BCL9L: variants seen among roughly 807,000 people sequenced by gnomAD.
BCL9L encodes BCL9 like.
In BCL9L, 19 loss-of-function variants were observed where a neutral mutation model predicts 99.4. The observed-to-expected ratio is 0.19, with a 90% CI of 0.13 to 0.28. The LOEUF is 0.28. Among genes scored for constraint, BCL9L ranks in the 10% least tolerant of loss-of-function variants. BCL9L has a pLI of 1.00. For missense variants in BCL9L, 2,023 were observed against 2,101.6 expected, an observed-to-expected ratio of 0.96 and a Z score of 0.73; for synonymous variants, 900 against 854.8, an observed-to-expected ratio of 1.05 and a Z score of -0.92.
At chr11:118,906,418 AG>A (rs1315607599) in intron 5 of BCL9L, among the ~76,000 whole-genome samples, 4 of 152,126 alleles carry the variant, frequency 2.6e-5, no homozygotes, top group African/African-American at 9.7e-5. Context: ...CTAGCTGTAG[AG>A]GTTTGGTATT....
At chr11:118,910,220 T>A (rs1940720541) in intron 2 of BCL9L, 1 of 479,170 alleles carries the variant, frequency 2.1e-6, no homozygotes, top group Non-Finnish European at 3.8e-6. Flanking sequence ...CTCAGGGGGC[T>A]TGCAGTCTCC....
chr11:118,912,768 A>C (rs765115377), intron 2 of BCL9L, among the ~76,000 whole-genome samples: 1 of 152,056 alleles, frequency 6.6e-6, no homozygotes, highest in Non-Finnish European at 1.5e-5. Context: ...AAACCACCCC[A>C]AAGAGGCAGT....
intron 1 of BCL9L, among the ~76,000 whole-genome samples, 162 bp from the exon 2 acceptor site, chr11:118,919,041 C>T (rs1410501751): frequency 7.5e-6 from 1 of 133,486 alleles, no homozygotes; most frequent in African/African-American, 2.8e-5. Flanking sequence ...ATTGCCACCC[C>T]CCACCCCCAC....
rs763468079 is a variant in BCL9L, at chr11:118,901,288, G to A, written c.2455C>T (p.Arg819Trp). Residue 819 changes from arginine (R) to tryptophan (W), a missense_variant, in exon 8 of 10, where the codon CGG becomes TGG. Coordinates refer to ENST00000683865, the MANE Select transcript of BCL9L (RefSeq NM_001378213.1). This position sits in a 1 kb window ranked among gnomAD's most constrained non-coding sequence, Gnocchi z 6.6. ...PQGLSPEEMA[R>W]VRAQNSSGVM... ...CCACTGCTGTTCTGGGCCCGAACCC[G>A]GGCCATCTCCTCAGGACTGAGGCCC... 8.1e-6 allele frequency: 13 copies of A among 1,613,946 alleles called. No individual in the cohort carries two copies. Among genetic ancestry groups the A allele is most frequent in the South Asian group, 2.2e-5 (2 of 91,072 alleles).
chr11:118,899,313 G>T lies in BCL9L; in HGVS notation c.3602C>A (p.Ser1201Tyr). 6.5e-7 allele frequency: 1 copy of T among 1,548,368 alleles called. No homozygotes were observed. Among genetic ancestry groups the T allele is most frequent in the South Asian group, 1.2e-5 (1 of 81,222 alleles). Residue 1201 changes from serine (S) to tyrosine (Y), a missense_variant, in exon 10 of 10, where the codon TCC becomes TAC. Physicochemically the swap from Ser to Tyr is moderately radical, Grantham distance 144. Around this residue, in one of 3 missense-constraint regions of BCL9L, gnomAD observed 902 missense variants for 888.2 expected, o/e 1.02. Coordinates refer to ENST00000683865, the MANE Select transcript of BCL9L (RefSeq NM_001378213.1). ...AQGTGGPPQN[S>Y]MMMAPGGPDS... is the part of the protein sequence containing the mutation. Reference sequence around the variant, plus strand: ...GGGGCCCCCTGGGGCCATCATCATGGAGTTTTGAGGGGGCCCCCCTGTCCC... The same window carrying T: ...GGGGCCCCCTGGGGCCATCATCATGTAGTTTTGAGGGGGCCCCCCTGTCCC...
Position 118,898,593 on chromosome 11 carries a change from A to G in BCL9L, c.4322T>C (p.Val1441Ala). Residue 1441 changes from valine (V) to alanine (A), a missense_variant, in exon 10 of 10, where the codon GTG becomes GCG. Coordinates refer to ENST00000683865, the MANE Select transcript of BCL9L (RefSeq NM_001378213.1). ...QNFMLMKQRG[V>A]GGEVYSQPPH... ...CGGCTGGCTGTAGACCTCGCCCCCC[A>G]CGCCCCGCTGCTTCATCAGCATGAA... 1 of 1,611,756 alleles carries G rather than the reference A, an allele frequency of 6.2e-7. No individual in the cohort carries two copies. The highest frequency in any genetic ancestry group is 8.5e-7 in the Non-Finnish European group (1 of 1,179,500).
chr11:118,897,926 G>A lies in BCL9L; in HGVS notation c.*489C>T, dbSNP rs765436253. ...AGCCACATCAGCAGGGAAAGGATAC[G>A]AAGCAGGTAAAGACAGAAGGAAAAT... is the stretch of plus-strand genomic sequence containing the variant. On this transcript the variant is annotated 3_prime_UTR_variant, in exon 10 of 10. Coordinates refer to ENST00000683865, the MANE Select transcript of BCL9L (RefSeq NM_001378213.1). 3.8e-4 allele frequency: 172 copies of A among 451,832 alleles called. No homozygotes were observed. The highest frequency in any genetic ancestry group is 1.6e-3 in the Admixed American group (64 of 40,152). 28.0% of individuals were successfully genotyped at this position (451,832 alleles called of 1,614,324 possible).
chr11:118,900,788 G>A lies in BCL9L; in HGVS notation c.2955C>T (p.Val985=). 1 of 1,613,944 alleles carries A rather than the reference G, an allele frequency of 6.2e-7. No individual in the cohort carries two copies. The highest frequency in any genetic ancestry group is 8.5e-7 in the Non-Finnish European group (1 of 1,179,946). The change falls in exon 8 of 10, where the codon GTC becomes GTT. Residue 985 remains valine (V), a synonymous_variant. Transcript: ENST00000683865. This position sits in a 1 kb window ranked among gnomAD's most constrained non-coding sequence, Gnocchi z 5.3. The stretch of plus-strand genomic sequence containing the variant: ...TGCTGGGCGAGCCAGTGGGTGAACG[G>A]ACACTGAGGGAGGAGCCGAGGACCT... ...SPQVLGSSLS[V]RSPTGSPSRL...
rs767250669 is a variant in BCL9L, at chr11:118,898,898, G to A, written c.4017C>T (p.Leu1339=). Residue 1339 remains leucine, a synonymous_variant, in exon 10 of 10, where the codon CTC becomes CTT. Transcript: ENST00000683865. ...IIPSEKPSST[L]QYFPKSENQP... Reference sequence around the variant, plus strand: ...GGTTCTCGCTCTTGGGGAAGTACTGGAGGGTGCTGCTTGGCTTCTCAGAGG... The same window carrying A: ...GGTTCTCGCTCTTGGGGAAGTACTGAAGGGTGCTGCTTGGCTTCTCAGAGG... 6.2e-7 allele frequency: 1 copy of A among 1,613,864 alleles called. No homozygotes were observed. Among genetic ancestry groups the A allele is most frequent in the Non-Finnish European group, 8.5e-7 (1 of 1,179,834 alleles).
intron 2 of BCL9L, among the ~76,000 whole-genome samples, chr11:118,911,678 G>A (rs1314089561): frequency 1.3e-5 from 2 of 152,252 alleles, no homozygotes; most frequent in African/African-American, 4.8e-5. Flanking sequence ...TCTGGGAAAA[G>A]GAAGTGGCGT....
chr11:118,910,806 C>T (rs1940757363), intron 2 of BCL9L: 1 of 157,486 alleles, frequency 6.3e-6, no homozygotes, highest in African/African-American at 2.4e-5. Context: ...TGGCGAGCCC[C>T]GGGTGCTGCC....
Position 118,899,215 on chromosome 11 carries a change from G to A in BCL9L, c.3700C>T (p.Gln1234Ter). The change falls in exon 10 of 10, where the codon CAG (glutamine) becomes TAG (stop). Residue 1234 changes from glutamine (Q) to a stop codon, truncating the protein, a stop_gained. Transcript: ENST00000683865. LOFTEE classifies it high-confidence loss of function. The part of the protein sequence containing the change: ...QMMPFPPRLQ[Q>*]PHGAMAPTGG... The stretch of plus-strand genomic sequence containing the variant: ...GTGGGGGCCATGGCACCATGGGGCT[G>A]CTGCAGCCGAGGGGGGAAGGGCATC... 1 of 1,503,292 alleles carries A rather than the reference G, an allele frequency of 6.7e-7. No individual in the cohort carries two copies. Among genetic ancestry groups the A allele is most frequent in the South Asian group, 1.4e-5 (1 of 73,968 alleles). The allele number at this position is 1,503,292 out of a possible 1,614,324, so 93.1% of individuals were successfully genotyped here.
intron 2 of BCL9L, among the ~76,000 whole-genome samples, chr11:118,911,689 G>C (rs1293100636): frequency 6.6e-6 from 1 of 152,252 alleles, no homozygotes; most frequent in Non-Finnish European, 1.5e-5. Context: ...GAAGTGGCGT[G>C]ACCTTGAGTC....
intron 2 of BCL9L, among the ~76,000 whole-genome samples, chr11:118,917,036 G>T (rs1329479008): frequency 6.6e-6 from 1 of 152,222 alleles, no homozygotes; most frequent in Non-Finnish European, 1.5e-5. Context: ...GATAGCGAGG[G>T]AGACGTGTCC....
Position 118,900,301 on chromosome 11 carries a change from C to T in BCL9L, c.3125-103G>A. The T allele has an allele frequency of 1.5e-6, 2 of 1,303,584 alleles. No homozygotes were observed. The highest frequency in any genetic ancestry group is 2.7e-5 in the Admixed American group (1 of 36,958). 80.8% of individuals were successfully genotyped at this position (1,303,584 alleles called of 1,614,324 possible). ...TTAGGAAGCGGTCAGTTCCCCAAAT[C>T]ACCTGGTCCTTCAGACACACCCACA... On this transcript the variant is annotated intron_variant, in intron 8 of 9. Coordinates refer to ENST00000683865, the MANE Select transcript of BCL9L (RefSeq NM_001378213.1). This position sits in a 1 kb window ranked among gnomAD's most constrained non-coding sequence, Gnocchi z 5.3.
At chr11:118,907,729 G>C (rs559886045) in intron 4 of BCL9L, 127 bp from the exon 5 acceptor site, 1,397 of 1,429,232 alleles carry the variant, frequency 9.8e-4, no homozygotes, top group Non-Finnish European at 1.2e-3. Flanking sequence ...GGCCATGGTG[G>C]GCACTTCGCC....
intron 5 of BCL9L, among the ~76,000 whole-genome samples, chr11:118,906,478 T>C (rs1940524367): frequency 6.6e-6 from 1 of 152,188 alleles, no homozygotes; most frequent in Non-Finnish European, 1.5e-5. Flanking sequence ...CTCCATAACA[T>C]TTGCTGACTC....
Position 118,903,569 on chromosome 11 carries a change from T to C in BCL9L, c.533-117A>G. 1 of 1,115,430 alleles carries C rather than the reference T, an allele frequency of 9.0e-7. No homozygotes were observed. The highest frequency in any genetic ancestry group is 1.3e-6 in the Non-Finnish European group (1 of 755,624). 69.1% of individuals were successfully genotyped at this position (1,115,430 alleles called of 1,614,324 possible). On this transcript the variant is annotated intron_variant, in intron 5 of 9. Coordinates refer to ENST00000683865, the MANE Select transcript of BCL9L (RefSeq NM_001378213.1). The surrounding 1 kb of genome is among the most constrained non-coding windows in gnomAD (Gnocchi z 5.6). ...AGCTCGTGCCCACAGGGACATTTGA[T>C]GTCAGTATCTGGTGTTCTCACCAGG... is the stretch of plus-strand genomic sequence containing the variant.
Position 118,902,221 on chromosome 11 carries a change from G to A in BCL9L, c.1522C>T (p.Leu508=). The change falls in exon 8 of 10, where the codon CTG becomes TTG. Residue 508 remains leucine, a synonymous_variant. Transcript: ENST00000683865. The surrounding 1 kb of genome is among the most constrained non-coding windows in gnomAD (Gnocchi z 7.8). ...GQQMNMMIQR[L]GQDSLTPEQV... ...TCAGGCGTGAGGCTGTCCTGGCCCA[G>A]CCTCTGTATCATCATGTTCATCTGC... The A allele has an allele frequency of 6.2e-7, 1 of 1,613,580 alleles. No individual in the cohort carries two copies. The highest frequency in any genetic ancestry group is 1.7e-4 in the Middle Eastern group (1 of 6,060).
Sources: gnomAD v4.1 joint callset for allele counts (sites outside exome capture counted in the v4.1 genomes callset) on GRCh38, gnomAD v4.1.1 for gene constraint, gnomAD v4.1.1 regional missense constraint, Gnocchi (gnomAD v3.1) non-coding constraint, MANE v1.5 for transcripts, NCBI Gene and HGNC (gene_info 2026-07-23, HGNC 2026-07-21) for gene names.